The following CIROZ variants were observed in gnomAD, a reference collection of about 807,000 sequenced individuals.
The protein encoded by CIROZ is ciliated left-right organizer protein containing ZP-N domains.
chr1:10,966,680 G>T, the CIROZ span, among the ~76,000 whole-genome samples: 1 of 152,292 alleles, frequency 6.6e-6, no homozygotes, highest in African/African-American at 2.4e-5. Flanking sequence ...TTCATTCAAG[G>T]TGTATCCAGA....
the CIROZ span, chr1:10,976,172 T>C: frequency 6.5e-7 from 1 of 1,536,944 alleles, no homozygotes; most frequent in Non-Finnish European, 8.7e-7. Flanking sequence ...AAACTTCTGC[T>C]GCAGAGCTTG....
At chr1:10,959,387 G>A in the CIROZ span, among the ~76,000 whole-genome samples, 2 of 152,070 alleles carry the variant, frequency 1.3e-5, no homozygotes, top group Non-Finnish European at 2.9e-5. This position sits in a 1 kb window ranked among gnomAD's most constrained non-coding sequence, Gnocchi z 4.3. Context: ...CCATTCTCCC[G>A]TTTCACAGAC....
At chr1:10,979,256 A>C in the CIROZ span, among the ~76,000 whole-genome samples, 1 of 152,082 alleles carries the variant, frequency 6.6e-6, no homozygotes, top group Non-Finnish European at 1.5e-5. Context: ...AGCCTCTCAA[A>C]ATGCTGGGAT....
chr1:10,949,850 A>T, the CIROZ span: 1 of 1,493,788 alleles, frequency 6.7e-7, no homozygotes. Context: ...CCTTCCTCCT[A>T]AGGAAGCAAA....
At chr1:10,957,670 A>G in the CIROZ span, 3 of 1,614,208 alleles carry the variant, frequency 1.9e-6, no homozygotes, top group Non-Finnish European at 2.5e-6. Context: ...CAGTGGTGGC[A>G]TTCATGTCCA....
chr1:10,958,942 C>G, the CIROZ span, among the ~76,000 whole-genome samples: 1 of 152,154 alleles, frequency 6.6e-6, no homozygotes. Flanking sequence ...TCAACAGACG[C>G]AGGGAAATGT....
the CIROZ span, among the ~76,000 whole-genome samples, chr1:10,966,810 T>G: frequency 6.6e-6 from 1 of 152,094 alleles, no homozygotes; most frequent in South Asian, 2.1e-4. Flanking sequence ...GCCCGCAGGA[T>G]CCTGTTCAAA....
the CIROZ span, among the ~76,000 whole-genome samples, chr1:10,964,658 T>C: frequency 6.6e-6 from 1 of 152,210 alleles, no homozygotes; most frequent in African/African-American, 2.4e-5. Context: ...TGAGACACAG[T>C]CTCATTCAGT....
chr1:10,951,744 A>AT, the CIROZ span, among the ~76,000 whole-genome samples: 2,684 of 134,524 alleles, frequency 0.02, 24 homozygotes, highest in Middle Eastern at 0.031. Flanking sequence ...AAAAAAAAAA[A>AT]AATATATATA....
At chr1:10,966,003 G>T in the CIROZ span, among the ~76,000 whole-genome samples, 5 of 152,234 alleles carry the variant, frequency 3.3e-5, no homozygotes, top group South Asian at 1.0e-3. Flanking sequence ...TGTGTGCCAG[G>T]CCCTGAGGCA....
At chr1:10,949,893 G>T in the CIROZ span, 1 of 1,298,882 alleles carries the variant, frequency 7.7e-7, no homozygotes, top group Non-Finnish European at 1.0e-6. Flanking sequence ...GGGACCATGA[G>T]TGACCCCTTT....
chr1:10,976,404 A>G, the CIROZ span: 1 of 599,938 alleles, frequency 1.7e-6, no homozygotes, highest in South Asian at 2.1e-5. Flanking sequence ...GGCGCGATCT[A>G]AGCTCACTGC....
the CIROZ span, among the ~76,000 whole-genome samples, chr1:10,958,488 T>C: frequency 6.6e-6 from 1 of 152,120 alleles, no homozygotes; most frequent in African/African-American, 2.4e-5. Flanking sequence ...TGGGGTCCCC[T>C]CTTCAAGATT....
the CIROZ span, among the ~76,000 whole-genome samples, chr1:10,959,740 A>G: frequency 6.6e-6 from 1 of 152,198 alleles, no homozygotes; most frequent in Non-Finnish European, 1.5e-5. This position sits in a 1 kb window ranked among gnomAD's most constrained non-coding sequence, Gnocchi z 4.3. Flanking sequence ...GGGTGGGGCC[A>G]GGAAAAGGCC....
the CIROZ span, chr1:10,954,157 G>A: frequency 7.5e-6 from 12 of 1,608,660 alleles, no homozygotes; most frequent in Non-Finnish European, 1.0e-5. Context: ...GGGGCCACAA[G>A]AAATTAGTTG....
the CIROZ span, chr1:10,969,969 C>T: frequency 2.0e-6 from 3 of 1,531,988 alleles, no homozygotes; most frequent in East Asian, 2.5e-5. Flanking sequence ...CCACCTCTTA[C>T]CTGGCAAGTG....
chr1:10,965,892 G>A, the CIROZ span, among the ~76,000 whole-genome samples: 2 of 151,962 alleles, frequency 1.3e-5, no homozygotes, highest in South Asian at 2.1e-4. Context: ...ACATGGTCTC[G>A]TGAGCCCATA....
At chr1:10,964,200 G>C in the CIROZ span, 1 of 1,614,164 alleles carries the variant, frequency 6.2e-7, no homozygotes, top group East Asian at 2.2e-5. Flanking sequence ...ACTTCATTAT[G>C]TAGCGATCAC....
chr1:10,948,488 A>AGGC, the CIROZ span: 2 of 1,614,144 alleles, frequency 1.2e-6, no homozygotes, highest in Non-Finnish European at 1.7e-6. Context: ...GGTCCTGTTC[A>AGGC]GGCCTCACAG....
Sources: allele counts gnomAD v4.1 joint callset (sites outside exome capture counted in the v4.1 genomes callset), GRCh38; gene constraint gnomAD v4.1.1; non-coding constraint Gnocchi (gnomAD v3.1); transcripts MANE v1.5; gene names NCBI Gene and HGNC (gene_info 2026-07-23, HGNC 2026-07-21).